Variants in COLGALT1 observed in about 807,000 individuals in gnomAD.
The protein encoded by COLGALT1 is collagen beta(1-O)galactosyltransferase 1.
A neutral mutation model predicts 60.8 loss-of-function variants in COLGALT1; 43 were observed. That is an observed-to-expected ratio of 0.71 (90% CI 0.55 to 0.91). The LOEUF is 0.91. COLGALT1 is among the 40% of genes least tolerant of loss of function. The pLI, the probability that COLGALT1 is intolerant of heterozygous loss-of-function variation, is 0.00. For missense variants in COLGALT1, 845 were observed against 880.0 expected (o/e 0.96, Z 0.50); for synonymous variants, 369 against 374.2 (o/e 0.99, Z 0.16).
Position 17,577,972 on chromosome 19 carries a change from C to G in COLGALT1, c.1149C>G (p.Ser383Arg). 1 of 1,610,190 alleles carries G rather than the reference C, an allele frequency of 6.2e-7. No homozygotes were observed. Among genetic ancestry groups the G allele is most frequent in the Non-Finnish European group, 8.5e-7 (1 of 1,178,692 alleles). ...EAVDGKAMNT[S>R]QVEALGIQML... ...TCCTCTCCAGAGCCATGAACACCAG[C>G]CAGGTGGAGGCGCTGGGGATCCAGA... The change falls in exon 9 of 12, where the codon AGC (serine) becomes AGG (arginine). Residue 383 changes from serine (S) to arginine (R), a missense_variant. By Grantham distance (110) the Ser-to-Arg change is moderately radical. Coordinates refer to ENST00000252599, the MANE Select transcript of COLGALT1 (RefSeq NM_024656.4).
intron 1 of COLGALT1, among the ~76,000 whole-genome samples, chr19:17,558,316 A>C (rs976948597): frequency 1.4e-5 from 2 of 139,424 alleles, no homozygotes; most frequent in South Asian, 5.0e-4. Context: ...CTCAGGTGAT[A>C]CACCCGCCTC....
chr19:17,558,018 A>G (rs969007623), intron 1 of COLGALT1, among the ~76,000 whole-genome samples: 5 of 149,888 alleles, frequency 3.3e-5, no homozygotes, highest in Non-Finnish European at 7.4e-5. Flanking sequence ...GCTCACTGCA[A>G]CCTCCTCCTC....
chr19:17,581,390 G>A lies in COLGALT1; in HGVS notation c.1815G>A (p.Lys605=). Residue 605 remains lysine, a synonymous_variant, in exon 12 of 12, where the codon AAG becomes AAA. Coordinates refer to ENST00000252599, the MANE Select transcript of COLGALT1 (RefSeq NM_024656.4). ...AGCAGGCACTGAGCCGTGAGGCCAA[G>A]AACTCGGACGTGCTCCAGTCCCCAC... is the stretch of plus-strand genomic sequence containing the variant. The part of the protein sequence containing the change: ...REQQALSREA[K]NSDVLQSPLD... 6.2e-7 allele frequency: 1 copy of A among 1,612,506 alleles called. No individual in the cohort carries two copies. Among genetic ancestry groups the A allele is most frequent in the Non-Finnish European group, 8.5e-7 (1 of 1,179,942 alleles).
At chr19:17,576,058 A>C (rs2076338671) in intron 6 of COLGALT1, among the ~76,000 whole-genome samples, 1 of 152,182 alleles carries the variant, frequency 6.6e-6, no homozygotes, top group Admixed American at 6.5e-5. Context: ...CAGGCCAATC[A>C]AGAATATACA....
chr19:17,562,649 G>A (rs558103655), intron 3 of COLGALT1, among the ~76,000 whole-genome samples: 1 of 147,006 alleles, frequency 6.8e-6, no homozygotes, highest in African/African-American at 2.5e-5. Flanking sequence ...GCGACAGAGT[G>A]AGACTATGTC....
In COLGALT1 at chr19:17,555,650, A is replaced by AC; in HGVS notation, c.-60dup. The AC allele has an allele frequency of 8.6e-7, 1 of 1,158,274 alleles. No homozygotes were observed. The highest frequency in any genetic ancestry group is 1.1e-6 in the Non-Finnish European group (1 of 941,546). The allele number at this position is 1,158,274 out of a possible 1,614,324, so 71.7% of individuals were successfully genotyped here. On this transcript the variant is annotated 5_prime_UTR_variant, in exon 1 of 12. Coordinates refer to ENST00000252599, the MANE Select transcript of COLGALT1 (RefSeq NM_024656.4). The stretch of plus-strand genomic sequence containing the variant: ...CGCGCGGCCGGGCGGGGCCCCTATG[A>AC]CCCCTTTAAGGCGCGGCCAGAGTCC...
chr19:17,579,436 GC>G (rs1266876736), intron 9 of COLGALT1, 45 bp from the exon 10 acceptor site: 1 of 1,613,630 alleles, frequency 6.2e-7, no homozygotes, highest in African/African-American at 1.3e-5. Context: ...TTAGGGTCAG[GC>G]CTGGCCTTGG....
chr19:17,578,165 A>G (rs2144846292), intron 9 of COLGALT1, 76 bp downstream of exon 9: 2 of 1,429,710 alleles, frequency 1.4e-6, no homozygotes, highest in Non-Finnish European at 1.8e-6. Context: ...AAAGGGGTTG[A>G]AAGAGTTCCC....
Position 17,567,481 on chromosome 19 carries a change from G to C in COLGALT1, c.565G>C (p.Ala189Pro). 6.2e-7 allele frequency: 1 copy of C among 1,613,986 alleles called. No individual in the cohort carries two copies. The highest frequency in any genetic ancestry group is 2.2e-5 in the East Asian group (1 of 44,878). The change falls in exon 4 of 12, where the codon GCC becomes CCC. Residue 189 changes from alanine to proline, a missense_variant. Physicochemically the swap from Ala to Pro is conservative, Grantham distance 27 (BLOSUM62 -1). Transcript: ENST00000252599. Reference protein sequence around the residue: ...LLIAENKTVVAPMLDSRAAYS... With the variant: ...LLIAENKTVVPPMLDSRAAYS... Reference sequence around the variant, plus strand: ...CATCGCTGAGAACAAGACGGTGGTCGCCCCCATGCTGGATTCCCGGGCTGC... The same window carrying C: ...CATCGCTGAGAACAAGACGGTGGTCCCCCCCATGCTGGATTCCCGGGCTGC...
chr19:17,562,729 G>A (rs1395728660), intron 3 of COLGALT1, among the ~76,000 whole-genome samples: 6 of 152,004 alleles, frequency 3.9e-5, no homozygotes, highest in African/African-American at 1.2e-4. Flanking sequence ...AGCGATTGAT[G>A]GACAGGCCTG....
rs1255984562 is a variant in COLGALT1, at chr19:17,555,941, G to T, written c.228G>T (p.Arg76=). The change falls in exon 1 of 12, where the codon CGG becomes CGT. Residue 76 remains arginine, a synonymous_variant. Coordinates refer to ENST00000252599, the MANE Select transcript of COLGALT1 (RefSeq NM_024656.4). ...CCACCACGCTGGGCGCACTCGAGCGGCTGCGGCACCCGCGGGAGCGCACGG... is the reference window on the plus strand; with the variant it reads ...CCACCACGCTGGGCGCACTCGAGCGTCTGCGGCACCCGCGGGAGCGCACGG... ...ALPTTLGALE[R]LRHPRERTAL... The T allele has an allele frequency of 7.2e-7, 1 of 1,389,940 alleles. No individual in the cohort carries two copies. 86.1% of individuals were successfully genotyped at this position (1,389,940 alleles called of 1,614,324 possible). A position where few individuals can be genotyped will look rare whatever the true frequency, so the allele number is the denominator to read the frequency against.
intron 6 of COLGALT1, among the ~76,000 whole-genome samples, chr19:17,573,219 C>A (rs2076322847): frequency 6.6e-6 from 1 of 151,894 alleles, no homozygotes; most frequent in African/African-American, 2.4e-5. Flanking sequence ...CATAGTGAGA[C>A]CCCATCTCTA....
At position 17,555,884 on chromosome 19, in the gene COLGALT1, G is replaced by T. The variant is rs1328937586; in HGVS notation, c.171G>T (p.Ala57=). Residue 57 remains alanine, a synonymous_variant, in exon 1 of 12, where the codon GCG becomes GCT. Transcript: ENST00000252599. Reference sequence around the variant, plus strand: ...TGCAGGCGCCGCGCGTGCTCATCGCGCTGTTGGCGCGAAACGCGGCCCACG... The same window carrying T: ...TGCAGGCGCCGCGCGTGCTCATCGCTCTGTTGGCGCGAAACGCGGCCCACG... ...SPLQAPRVLI[A]LLARNAAHAL... is the part of the protein sequence containing the mutation. 6.5e-6 allele frequency: 9 copies of T among 1,387,834 alleles called. No homozygotes were observed. The highest frequency in any genetic ancestry group is 1.5e-5 in the African/African-American group (1 of 66,424). 86.0% of individuals were successfully genotyped at this position (1,387,834 alleles called of 1,614,324 possible).
At chr19:17,568,167 A>G (rs947176460) in intron 4 of COLGALT1, among the ~76,000 whole-genome samples, 2 of 152,076 alleles carry the variant, frequency 1.3e-5, no homozygotes, top group African/African-American at 4.8e-5. Context: ...AGGTGTTTGG[A>G]TAACTGTCTT....
At chr19:17,566,872 G>A (rs1381146662) in intron 3 of COLGALT1, among the ~76,000 whole-genome samples, 1 of 152,212 alleles carries the variant, frequency 6.6e-6, no homozygotes, top group Non-Finnish European at 1.5e-5. Flanking sequence ...CCAGCACTTT[G>A]AGAGGCCGAG....
intron 9 of COLGALT1, among the ~76,000 whole-genome samples, chr19:17,578,583 C>T (rs1047202471): frequency 6.6e-6 from 1 of 152,150 alleles, no homozygotes; most frequent in South Asian, 2.1e-4. Context: ...GGCATGGTGG[C>T]GCACACCTGT....
chr19:17,581,407 A>G lies in COLGALT1; in HGVS notation c.1832A>G (p.Gln611Arg). 1 of 1,611,624 alleles carries G rather than the reference A, an allele frequency of 6.2e-7. No individual in the cohort carries two copies. Among genetic ancestry groups the G allele is most frequent in the Non-Finnish European group, 8.5e-7 (1 of 1,179,934 alleles). Reference protein sequence around the residue: ...SREAKNSDVLQSPLDSAARDE... With the variant: ...SREAKNSDVLRSPLDSAARDE... ...GAGGCCAAGAACTCGGACGTGCTCC[A>G]GTCCCCACTGGACAGTGCTGCCCGG... Residue 611 changes from glutamine (Q) to arginine (R), a missense_variant, in exon 12 of 12, where the codon CAG becomes CGG. Gln to Arg is a conservative substitution (Grantham distance 43). Coordinates refer to ENST00000252599, the MANE Select transcript of COLGALT1 (RefSeq NM_024656.4).
intron 1 of COLGALT1, among the ~76,000 whole-genome samples, chr19:17,558,870 G>A (rs185968141): frequency 1.3e-5 from 2 of 151,856 alleles, no homozygotes; most frequent in Admixed American, 6.6e-5. Context: ...CATGGAAAGG[G>A]AGAAATGGGC....
intron 3 of COLGALT1, among the ~76,000 whole-genome samples, chr19:17,564,169 G>C (rs2076266332): frequency 6.6e-6 from 1 of 152,012 alleles, no homozygotes; most frequent in East Asian, 1.9e-4. Context: ...GATTGCTTGA[G>C]CCCAGGAGTA....
Sources: gnomAD v4.1 joint callset for allele counts (sites outside exome capture counted in the v4.1 genomes callset) on GRCh38, gnomAD v4.1.1 for gene constraint, MANE v1.5 for transcripts, NCBI Gene and HGNC (gene_info 2026-07-23, HGNC 2026-07-21) for gene names.